Variants in RNF213 observed in about 807,000 individuals in gnomAD.
RNF213 encodes the protein ring finger protein 213.
A neutral mutation model predicts 514.4 loss-of-function variants in RNF213; 341 were observed. That is an observed-to-expected ratio of 0.66 (90% CI 0.61 to 0.73). The LOEUF is 0.73. RNF213 is among the 30% of genes least tolerant of loss of function. The pLI is 0.00. For missense variants in RNF213, 5,767 were observed against 6,615.6 expected, an observed-to-expected ratio of 0.87 and a Z score of 4.45; for synonymous variants, 2,655 against 2,658.2, an observed-to-expected ratio of 1.00 and a Z score of 0.04.
chr17:80,312,884 G>A (rs953401450), intron 14 of RNF213, 128 bp from the exon 15 acceptor site: 4 of 1,011,298 alleles, frequency 4.0e-6, no homozygotes, highest in East Asian at 5.0e-5. Flanking sequence ...AAGGCCTGTG[G>A]TCCCTCCATC....
intron 3 of RNF213, among the ~76,000 whole-genome samples, chr17:80,281,591 C>CCCT: frequency 5.7e-5 from 8 of 140,768 alleles, no homozygotes; most frequent in African/African-American, 2.2e-4. Context: ...TCACACACTG[C>CCCT]CAACACACAC....
In RNF213 at chr17:80,344,015, G is replaced by T. The variant is rs774726359; in HGVS notation, c.6342G>T (p.Leu2114=). Residue 2114 remains leucine (L), a splice_region_variant and synonymous_variant, in exon 28 of 68, where the codon CTG becomes CTT. Transcript: ENST00000582970. ...TGCCGTCGAGGAGCTCTTCAGCGCT[G>T]GTCTGTACTGTGGGGCGTTTTCGCC... ...TSVPSRSSSA[L]RTRVPQFSFL... The T allele has an allele frequency of 6.2e-7, 1 of 1,614,134 alleles. No homozygotes were observed. Among genetic ancestry groups the T allele is most frequent in the East Asian group, 2.2e-5 (1 of 44,884 alleles).
In RNF213 at chr17:80,347,664, A is replaced by G. The variant is rs200227011; in HGVS notation, c.9329A>G (p.Glu3110Gly). 8.1e-6 allele frequency: 13 copies of G among 1,614,036 alleles called. No homozygotes were observed. In the Middle Eastern group the frequency reaches 8.2e-4, roughly 102 times the overall value. The change falls in exon 29 of 68, where the codon GAG becomes GGG. Residue 3110 changes from glutamate (E) to glycine (G), a missense_variant. Around this residue, in one of 13 missense-constraint regions of RNF213, gnomAD observed 919 missense variants for 1,121.0 expected, o/e 0.82. Transcript: ENST00000582970. This position sits in a 1 kb window ranked among gnomAD's most constrained non-coding sequence, Gnocchi z 7.2. ...CTTCTCAACCTGCAGAACCTCTACG[A>G]GAGCCTCTACGACGCACTCAACCAG... ...VLLLNLQNLY[E>G]SLYDALNQYY...
intron 19 of RNF213, 71 bp downstream of exon 19, chr17:80,328,060 C>T (rs2046324735): frequency 9.3e-6 from 14 of 1,499,440 alleles, no homozygotes; most frequent in East Asian, 2.5e-5. Context: ...TTTGTGTTTG[C>T]GTGTGCATTT....
chr17:80,312,942 G>T (rs917648342), intron 14 of RNF213, 70 bp from the exon 15 acceptor site: 94 of 1,570,408 alleles, frequency 6.0e-5, no homozygotes, highest in Non-Finnish European at 8.1e-5. Flanking sequence ...AGAGGAGGGG[G>T]TGCAGCATCT....
At chr17:80,380,707 A>C in intron 55 of RNF213, 124 bp from the exon 56 acceptor site, 1 of 1,144,232 alleles carries the variant, frequency 8.7e-7, no homozygotes. Flanking sequence ...GGCTTTGTGG[A>C]ACAGCAAGTA....
chr17:80,344,596 A>G, intron 28 of RNF213, 82 bp from the exon 29 acceptor site: 4 of 1,471,428 alleles, frequency 2.7e-6, no homozygotes, highest in Non-Finnish European at 3.8e-6. Context: ...CATCCAATAT[A>G]GATAACGTGG....
At chr17:80,384,061 TAGC>T in intron 59 of RNF213, 133 bp downstream of exon 59, 2 of 1,120,070 alleles carry the variant, frequency 1.8e-6, no homozygotes. Flanking sequence ...GAATAGGATG[TAGC>T]AGAAGACTCA....
At chr17:80,360,573 G>A (rs1258514385) in intron 38 of RNF213, among the ~76,000 whole-genome samples, 1 of 152,106 alleles carries the variant, frequency 6.6e-6, no homozygotes, top group Non-Finnish European at 1.5e-5. Flanking sequence ...CTGGGGCACT[G>A]GACTCGGAAG....
In RNF213 at chr17:80,346,790, A is replaced by C; in HGVS notation, c.8455A>C (p.Ile2819Leu). ...CCCGCACTCCACCCCACAGGGCATC[A>C]TCAGCACCTTCCGGCAGTGCGCCCG... Reference protein sequence around the residue: ...CSPHSTPQGIISTFRQCARFQ... With the variant: ...CSPHSTPQGILSTFRQCARFQ... Residue 2819 changes from isoleucine to leucine, a missense_variant, in exon 29 of 68, where the codon ATC becomes CTC. This residue lies in a region of RNF213 where 105 missense variants were observed against 183.9 expected (regional missense o/e 0.57). Coordinates refer to ENST00000582970, the MANE Select transcript of RNF213 (RefSeq NM_001256071.3). The surrounding 1 kb of genome is among the most constrained non-coding windows in gnomAD (Gnocchi z 8.1). 1 of 1,613,970 alleles carries C rather than the reference A, an allele frequency of 6.2e-7. No individual in the cohort carries two copies. Among genetic ancestry groups the C allele is most frequent in the Non-Finnish European group, 8.5e-7 (1 of 1,180,000 alleles).
At position 80,393,329 on chromosome 17, in the gene RNF213, T is replaced by C; in HGVS notation, c.15471-16T>C. Reference sequence around the variant, plus strand: ...TGAGGAGACTGTTTTAAATGCTCTCTTCTTTGGTTTTTCAGCCTGAGAGAC... The same window carrying C: ...TGAGGAGACTGTTTTAAATGCTCTCCTCTTTGGTTTTTCAGCCTGAGAGAC... On this transcript the variant is annotated splice_polypyrimidine_tract_variant and intron_variant, in intron 67 of 67. Coordinates refer to ENST00000582970, the MANE Select transcript of RNF213 (RefSeq NM_001256071.3). 1 of 1,613,170 alleles carries C rather than the reference T, an allele frequency of 6.2e-7. No individual in the cohort carries two copies. Among genetic ancestry groups the C allele is most frequent in the South Asian group, 1.1e-5 (1 of 91,024 alleles).
chr17:80,394,230 C>A lies in RNF213; in HGVS notation c.*732C>A, dbSNP rs1193046322. ...AGTGGATTAATCGCCAAAGATTCTTCTGATCTGACATTTTGAAATTGTGAG... is the reference window on the plus strand; with the variant it reads ...AGTGGATTAATCGCCAAAGATTCTTATGATCTGACATTTTGAAATTGTGAG... On this transcript the variant is annotated 3_prime_UTR_variant, in exon 68 of 68. Transcript: ENST00000582970. The A allele has an allele frequency of 6.6e-6, 1 of 152,276 alleles. No homozygotes were observed. The allele number at this position is 152,276 out of a possible 1,614,324, so 9.4% of individuals were successfully genotyped here.
chr17:80,386,964 CGA>C (rs1191022087), intron 63 of RNF213, 73 bp downstream of exon 63: 39 of 1,425,772 alleles, frequency 2.7e-5, no homozygotes, highest in Non-Finnish European at 3.5e-5. Flanking sequence ...GTGTGTTTCT[CGA>C]GAGAGGGAAG....
rs1349390830 is a variant in RNF213 at position 80,345,710 on chromosome 17, A to G, written c.7375A>G (p.Met2459Val). The G allele has an allele frequency of 1.2e-6, 2 of 1,614,138 alleles. No individual in the cohort carries two copies. Among genetic ancestry groups the G allele is most frequent in the African/African-American group, 2.7e-5 (2 of 74,944 alleles). The change falls in exon 29 of 68, where the codon ATG (methionine) becomes GTG (valine). Residue 2459 changes from methionine (M) to valine (V), a missense_variant. Met to Val is a conservative substitution (Grantham distance 21, BLOSUM62 1). Coordinates refer to ENST00000582970, the MANE Select transcript of RNF213 (RefSeq NM_001256071.3). The surrounding 1 kb of genome is among the most constrained non-coding windows in gnomAD (Gnocchi z 6.0). ...GGTGCACGGAGGAACAACTGCAGACATGATCTACTCCAGAGTCAGGGAGGC... is the reference window on the plus strand; with the variant it reads ...GGTGCACGGAGGAACAACTGCAGACGTGATCTACTCCAGAGTCAGGGAGGC... ...VKVHGGTTAD[M>V]IYSRVREAEN...
chr17:80,367,411 A>G (rs1219575305), intron 42 of RNF213, among the ~76,000 whole-genome samples: 3 of 152,260 alleles, frequency 2.0e-5, no homozygotes, highest in Non-Finnish European at 4.4e-5. Flanking sequence ...CAAATATTCC[A>G]TAAATGCTGA....
intron 18 of RNF213, among the ~76,000 whole-genome samples, chr17:80,325,729 A>C (rs952520611): frequency 1.9e-4 from 29 of 151,852 alleles, no homozygotes; most frequent in Non-Finnish European, 3.7e-4. Context: ...AGAGAGAGAG[A>C]CATTCCATCC....
Position 80,373,142 on chromosome 17 carries a change from C to T in RNF213, c.12919C>T (p.Pro4307Ser), listed in dbSNP as rs1320812678. Residue 4307 changes from proline (P) to serine (S), a missense_variant, in exon 49 of 68, where the codon CCC becomes TCC. Transcript: ENST00000582970. ...KPGRPHQWVF[P>S]KDVVKQQGLR... Reference sequence around the variant, plus strand: ...CGGCCGCCCGCACCAGTGGGTGTTTCCCAAGGACGTTGTCAAGCAGCAGGT... The same window carrying T: ...CGGCCGCCCGCACCAGTGGGTGTTTTCCAAGGACGTTGTCAAGCAGCAGGT... 1 of 1,612,268 alleles carries T rather than the reference C, an allele frequency of 6.2e-7. No individual in the cohort carries two copies. Among genetic ancestry groups the T allele is most frequent in the Admixed American group, 1.7e-5 (1 of 60,000 alleles).
At chr17:80,290,470 C>CG (rs2044674056) in intron 6 of RNF213, 100 bp from the exon 7 acceptor site, 3 of 1,416,348 alleles carry the variant, frequency 2.1e-6, no homozygotes, top group East Asian at 4.6e-5. Flanking sequence ...TGTGTGTGTG[C>CG]ACGTGTGTGT....
At chr17:80,324,978 A>C (rs1160252629) in intron 17 of RNF213, 52 bp from the exon 18 acceptor site, 1 of 1,505,478 alleles carries the variant, frequency 6.6e-7, no homozygotes, top group African/African-American at 1.4e-5. Context: ...TTATTTCAAA[A>C]CAAACTAATG....
Sources: gnomAD v4.1 joint callset for allele counts (sites outside exome capture counted in the v4.1 genomes callset) on GRCh38, gnomAD v4.1.1 for gene constraint, gnomAD v4.1.1 regional missense constraint, Gnocchi (gnomAD v3.1) non-coding constraint, MANE v1.5 for transcripts, NCBI Gene and HGNC (gene_info 2026-07-23, HGNC 2026-07-21) for gene names.